The following OCIAD1 variants were observed in gnomAD, a reference collection of about 807,000 sequenced individuals.
The protein encoded by OCIAD1 is OCIA domain containing 1, also known as OCIA domain-containing protein 1.
OCIAD1 carries 29 observed loss-of-function variants against 38.9 expected under a neutral mutation model. That is an observed-to-expected ratio of 0.74 (90% confidence interval 0.55 to 1.02). OCIAD1 has a LOEUF of 1.02. Ranked by LOEUF, OCIAD1 falls within the 50% of genes least tolerant of loss-of-function variation. OCIAD1 has a pLI of 0.00. For missense variants in OCIAD1, 288 were observed against 289.6 expected, an observed-to-expected ratio of 0.99 and a Z score of 0.04; for synonymous variants, 110 against 92.0, an observed-to-expected ratio of 1.20 and a Z score of -1.12.
At chr4:48,830,038 A>T (rs1368412477), upstream of OCIAD1, among the ~76,000 whole-genome samples, 1 of 152,248 alleles carries the variant, frequency 6.6e-6, no homozygotes, top group Non-Finnish European at 1.5e-5. Context: ...TTGACAAAGC[A>T]GGGAGTAGAG....
At chr4:48,823,969 C>T (rs1777223684) in intron 1 of OCIAD1, among the ~76,000 whole-genome samples, 1 of 144,840 alleles carries the variant, frequency 6.9e-6, no homozygotes, top group Non-Finnish European at 1.5e-5. Flanking sequence ...ACCTGGCTTT[C>T]TTTGAATTCT....
chr4:48,843,941 T>C (rs573099154), intron 4 of OCIAD1, among the ~76,000 whole-genome samples: 5 of 152,212 alleles, frequency 3.3e-5, no homozygotes, highest in Non-Finnish European at 5.9e-5. Flanking sequence ...TGTGAACATA[T>C]GTTGAAGCAA....
At chr4:48,829,664 G>A (rs1204620048), upstream of OCIAD1, among the ~76,000 whole-genome samples, 3 of 152,300 alleles carry the variant, frequency 2.0e-5, no homozygotes, top group East Asian at 1.9e-4. Flanking sequence ...AAAAAGCCAC[G>A]TTGAACATCT....
intron 7 of OCIAD1, chr4:48,852,320 T>C (rs1322627973): frequency 5.7e-6 from 1 of 175,310 alleles, no homozygotes; most frequent in Non-Finnish European, 1.2e-5. Context: ...GAAGAAGAAA[T>C]GATAAATCGT....
At chr4:48,812,459 C>T (rs1777099887) in intron 1 of OCIAD1, among the ~76,000 whole-genome samples, 1 of 149,468 alleles carries the variant, frequency 6.7e-6, no homozygotes, top group African/African-American at 2.5e-5. Context: ...ATCAGAAAGA[C>T]AAGAAAGAAC....
intron 1 of OCIAD1, among the ~76,000 whole-genome samples, chr4:48,808,577 G>T (rs969643092): frequency 6.6e-6 from 1 of 152,128 alleles, no homozygotes; most frequent in African/African-American, 2.4e-5. Context: ...TACAGAAGAG[G>T]CATTGCAGCA....
intron 1 of OCIAD1, 129 bp downstream of exon 1, chr4:48,831,378 G>A (rs1361619309): frequency 2.9e-6 from 2 of 677,982 alleles, no homozygotes; most frequent in African/African-American, 3.7e-5. Context: ...TCGCGCTCGG[G>A]TCTCGGCCTC....
chr4:48,813,200 A>AT (rs1560406788), intron 1 of OCIAD1, among the ~76,000 whole-genome samples: 4 of 152,150 alleles, frequency 2.6e-5, no homozygotes. Flanking sequence ...ACATATTATG[A>AT]TTTTTCATTT....
At chr4:48,832,830 T>A (rs1355818003) in intron 2 of OCIAD1, 148 bp downstream of exon 2, 2 of 663,188 alleles carry the variant, frequency 3.0e-6, no homozygotes, top group Non-Finnish European at 5.4e-6. Context: ...TCTTGTTATC[T>A]TGAAATTCAT....
At chr4:48,811,189 A>G (rs1158674549) in intron 1 of OCIAD1, among the ~76,000 whole-genome samples, 1 of 152,126 alleles carries the variant, frequency 6.6e-6, no homozygotes, top group East Asian at 1.9e-4. Flanking sequence ...CCACTACCAC[A>G]TTGATTCACA....
Position 48,815,123 on chromosome 4 carries a change from C to G in OCIAD1, c.-103+9793C>G, listed in dbSNP as rs564400908. 1.4e-4 allele frequency among the ~76,000 whole-genome samples: 22 copies of G among 152,154 alleles called. No individual in the cohort carries two copies. The South Asian group carries it at 2.3e-3, about 16-fold the overall frequency. Reference sequence around the variant, plus strand: ...GGTCAGGAGTTCGAGACCAGTCTGGCCAACATAGTGAAACCCCATCTCTAC... The same window carrying G: ...GGTCAGGAGTTCGAGACCAGTCTGGGCAACATAGTGAAACCCCATCTCTAC... On this transcript the variant is annotated intron_variant, in intron 1 of 6. Coordinates refer to the OCIAD1 transcript ENST00000504654.
chr4:48,843,412 GTT>G (rs1041153259), intron 4 of OCIAD1, among the ~76,000 whole-genome samples: 1 of 152,144 alleles, frequency 6.6e-6, no homozygotes, highest in African/African-American at 2.4e-5. Flanking sequence ...GAGGCCTATT[GTT>G]TTAATTAACT....
intron 1 of OCIAD1, among the ~76,000 whole-genome samples, chr4:48,813,279 T>G (rs1264844292): frequency 6.6e-6 from 1 of 152,194 alleles, no homozygotes; most frequent in African/African-American, 2.4e-5. Context: ...TCCCTTTACT[T>G]GTAAGAATCA....
At chr4:48,827,200 T>C (rs1247001575), upstream of OCIAD1, among the ~76,000 whole-genome samples, 1 of 152,238 alleles carries the variant, frequency 6.6e-6, no homozygotes, top group African/African-American at 2.4e-5. Flanking sequence ...AAGCGTTCAT[T>C]TGAAAATAAA....
intron 4 of OCIAD1, among the ~76,000 whole-genome samples, chr4:48,845,392 A>G (rs1017863103): frequency 6.6e-6 from 1 of 152,254 alleles, no homozygotes; most frequent in African/African-American, 2.4e-5. Context: ...GTTCTTGACC[A>G]ACGTTACATA....
chr4:48,857,462 TA>T, intron 8 of OCIAD1, 97 bp downstream of exon 8: 2 of 659,878 alleles, frequency 3.0e-6, no homozygotes, highest in East Asian at 3.4e-5. Flanking sequence ...ATATGTGATT[TA>T]ACTCTTCAAG....
chr4:48,825,420 T>C (rs1339860129), intron 1 of OCIAD1, among the ~76,000 whole-genome samples: 1 of 152,240 alleles, frequency 6.6e-6, no homozygotes, highest in East Asian at 1.9e-4. Flanking sequence ...AGCAGCCCCA[T>C]AGGCCCCTTG....
At chr4:48,832,542 C>G in intron 1 of OCIAD1, 78 bp from the exon 2 acceptor site, 5 of 1,042,398 alleles carry the variant, frequency 4.8e-6, no homozygotes, top group South Asian at 2.5e-5. Flanking sequence ...AGTAGTTTTA[C>G]TATATCATAC....
chr4:48,851,873 G>A lies in OCIAD1; in HGVS notation c.445G>A (p.Ala149Thr), dbSNP rs1296694837. Residue 149 changes from alanine (A) to threonine (T), a missense_variant, in exon 7 of 9, where the codon GCA (alanine) becomes ACA (threonine). Transcript: ENST00000264312. ...SGQSSFVTSP[A>T]ADNIEMLPHY... is the part of the protein sequence containing the mutation. ...TCAATCATCTTTTGTGACATCCCCA[G>A]CAGCAGACAACATAGAAATGCTTCC... 1 of 1,613,386 alleles carries A rather than the reference G, an allele frequency of 6.2e-7. No individual in the cohort carries two copies.
Sources: gnomAD v4.1 joint callset for allele counts (sites outside exome capture counted in the v4.1 genomes callset) on GRCh38, gnomAD v4.1.1 for gene constraint, MANE v1.5 for transcripts, NCBI Gene and HGNC (gene_info 2026-07-23, HGNC 2026-07-21) for gene names.